The following QPCT variants were observed in gnomAD, a reference collection of about 807,000 sequenced individuals.
QPCT encodes the protein glutaminyl-peptide cyclotransferase, also known as EC.
Under a neutral mutation model 43.4 loss-of-function variants are expected in QPCT, and 44 were observed. The ratio of observed to expected loss-of-function variants is 1.01; its 90% confidence interval spans 0.80 to 1.30. The LOEUF (loss-of-function observed/expected upper bound fraction) is 1.30. Ranked by LOEUF, QPCT falls within the 50% of genes most tolerant of loss-of-function variation. The probability of loss-of-function intolerance (pLI) is 0.00; values close to 1 mark genes in which losing one functional copy is unlikely to be tolerated. For missense variants in QPCT, 526 were observed against 436.5 expected, an observed-to-expected ratio of 1.21 and a Z score of -1.83; for synonymous variants, 168 against 168.4, an observed-to-expected ratio of 1.00 and a Z score of 0.02.
intron 1 of QPCT, among the ~76,000 whole-genome samples, chr2:37,350,256 G>T (rs1672592017): frequency 6.6e-6 from 1 of 152,304 alleles, no homozygotes; most frequent in South Asian, 2.1e-4. Flanking sequence ...GCAAGGGTGA[G>T]GGGGGAGACC....
intron 2 of QPCT, 127 bp from the exon 3 acceptor site, chr2:37,359,453 C>A (rs1286726181): frequency 1.2e-6 from 1 of 809,720 alleles, no homozygotes. Context: ...AATAATATTG[C>A]TATGAATTCA....
chr2:37,360,012 T>C, intron 3 of QPCT, 154 bp downstream of exon 3: 1 of 834,520 alleles, frequency 1.2e-6, no homozygotes, highest in African/African-American at 1.7e-5. Flanking sequence ...ATTGCATGAT[T>C]GGGAATATCA....
At chr2:37,368,679 A>G (rs1332898284) in intron 4 of QPCT, 4 of 470,976 alleles carry the variant, frequency 8.5e-6, no homozygotes, top group Non-Finnish European at 1.8e-5. Flanking sequence ...TCATTCATTC[A>G]CTTGTGCCCA....
chr2:37,353,892 T>C (rs2124933783), intron 2 of QPCT, among the ~76,000 whole-genome samples: 1 of 152,158 alleles, frequency 6.6e-6, no homozygotes, highest in East Asian at 1.9e-4. Context: ...GATTTCAGAG[T>C]CTCGCTCTGT....
chr2:37,367,582 A>G (rs766358673), intron 4 of QPCT, among the ~76,000 whole-genome samples, 174 bp downstream of exon 4: 5 of 152,208 alleles, frequency 3.3e-5, no homozygotes, highest in African/African-American at 4.8e-5. Context: ...GCTAAAAAGA[A>G]TGATTCTGAG....
intron 2 of QPCT, 147 bp downstream of exon 2, chr2:37,353,082 G>C: frequency 3.3e-6 from 3 of 921,292 alleles, no homozygotes; most frequent in Non-Finnish European, 4.7e-6. Context: ...AAAATCAAAT[G>C]ACTGAGAGTA....
At chr2:37,369,333 A>G (rs1673026156) in intron 4 of QPCT, among the ~76,000 whole-genome samples, 1 of 152,258 alleles carries the variant, frequency 6.6e-6, no homozygotes, top group Admixed American at 6.5e-5. Flanking sequence ...AGAGTGGATT[A>G]GAAGATCAGA....
chr2:37,346,776 G>C (rs911168130), intron 1 of QPCT, among the ~76,000 whole-genome samples: 1 of 152,154 alleles, frequency 6.6e-6, no homozygotes, highest in South Asian at 2.1e-4. Flanking sequence ...AAGTCTTGCA[G>C]CCTGGGTGAT....
At chr2:37,349,424 AG>A (rs1176322567) in intron 1 of QPCT, among the ~76,000 whole-genome samples, 1 of 152,074 alleles carries the variant, frequency 6.6e-6, no homozygotes, top group Non-Finnish European at 1.5e-5. Flanking sequence ...TGCTTGGGGG[AG>A]GGGGCATTTA....
At chr2:37,367,520 G>A (rs1672986567) in intron 4 of QPCT, 112 bp downstream of exon 4, 2 of 1,074,826 alleles carry the variant, frequency 1.9e-6, no homozygotes, top group Non-Finnish European at 1.3e-6. Flanking sequence ...GGAGCACAGT[G>A]TTTATGATAG....
At chr2:37,352,721 A>C (rs1672646184) in intron 1 of QPCT, 68 bp from the exon 2 acceptor site, 2 of 1,547,476 alleles carry the variant, frequency 1.3e-6, no homozygotes, top group South Asian at 2.3e-5. Flanking sequence ...CAATTAATTG[A>C]AAACATGTCA....
At chr2:37,362,552 A>G (rs1269605836) in intron 3 of QPCT, among the ~76,000 whole-genome samples, 1 of 152,236 alleles carries the variant, frequency 6.6e-6, no homozygotes, top group Non-Finnish European at 1.5e-5. Context: ...TTCAGATGAT[A>G]AAGACAATTT....
In QPCT at chr2:37,372,341, A is replaced by C; in HGVS notation, c.824-15A>C. 6.5e-7 allele frequency: 1 copy of C among 1,543,194 alleles called. No individual in the cohort carries two copies. Among genetic ancestry groups the C allele is most frequent in the Non-Finnish European group, 9.0e-7 (1 of 1,115,346 alleles). ...AAAAATAGTTGTTCATTTACTGTAT[A>C]ATTGTCATCTACAGAACATGAACTT... is the stretch of plus-strand genomic sequence containing the variant. On this transcript the variant is annotated splice_polypyrimidine_tract_variant and intron_variant, in intron 5 of 6. Coordinates refer to ENST00000338415, the MANE Select transcript of QPCT (RefSeq NM_012413.4).
chr2:37,346,378 T>A (rs947330915), intron 1 of QPCT, among the ~76,000 whole-genome samples: 30 of 152,198 alleles, frequency 2.0e-4, no homozygotes, highest in African/African-American at 7.0e-4. Context: ...AGAATACCCT[T>A]CTGGTCAGAA....
chr2:37,361,637 C>A (rs1034733351), intron 3 of QPCT, among the ~76,000 whole-genome samples: 1 of 152,232 alleles, frequency 6.6e-6, no homozygotes, highest in Non-Finnish European at 1.5e-5. Context: ...CAGAACCAAC[C>A]TTGCTGACTG....
intron 4 of QPCT, among the ~76,000 whole-genome samples, chr2:37,368,960 T>C (rs747195314): frequency 6.6e-6 from 1 of 152,220 alleles, no homozygotes; most frequent in Non-Finnish European, 1.5e-5. Flanking sequence ...AATTTTTTCA[T>C]ACTATGTCTT....
intron 1 of QPCT, among the ~76,000 whole-genome samples, chr2:37,351,384 G>A (rs1672621933): frequency 6.6e-6 from 1 of 152,142 alleles, no homozygotes; most frequent in South Asian, 2.1e-4. Flanking sequence ...TGAATGAATG[G>A]TTCATCATTA....
rs1553384295 is a variant in QPCT, at chr2:37,347,237, T to TATATATAAC, written c.120+2393_120+2394insACATATATA. 1.3e-4 allele frequency among the ~76,000 whole-genome samples: 13 copies of TATATATAAC among 100,760 alleles called. 1 individual carries two copies. The highest frequency in any genetic ancestry group is 4.8e-4 in the African/African-American group (12 of 24,922). The allele number at this position is 100,760 out of a possible 152,430, so 66.1% of individuals were successfully genotyped here. A position where few individuals can be genotyped will look rare whatever the true frequency, so the allele number is the denominator to read the frequency against. ...ATATAACATATATATATAACATATA[T>TATATATAAC]ATATATATAACATATATATATATAC... On this transcript the variant is annotated intron_variant, in intron 1 of 6. Transcript: ENST00000338415.
At position 37,344,919 on chromosome 2, in the gene QPCT, T is replaced by C. The variant is rs1672448653; in HGVS notation, c.120+68T>C. 7 of 1,483,270 alleles carry C rather than the reference T, an allele frequency of 4.7e-6. No homozygotes were observed. In the East Asian group the frequency reaches 1.8e-4, roughly 38 times the overall value. 91.9% of individuals were successfully genotyped at this position (1,483,270 alleles called of 1,614,324 possible). On this transcript the variant is annotated intron_variant, in intron 1 of 6. Transcript: ENST00000338415. The stretch of plus-strand genomic sequence containing the variant: ...TCCGATGCGAGGACCCCTGGCCGGG[T>C]CAGCCCTACCTAGGCAGAGCGGGAG...
Sources: allele counts gnomAD v4.1 joint callset (sites outside exome capture counted in the v4.1 genomes callset), GRCh38; gene constraint gnomAD v4.1.1; transcripts MANE v1.5; gene names NCBI Gene and HGNC (gene_info 2026-07-23, HGNC 2026-07-21).